The following CNTN5 variants were observed in gnomAD, a reference collection of about 807,000 sequenced individuals.
The protein encoded by CNTN5 is contactin-5.
In CNTN5, 77 loss-of-function variants were observed where a neutral mutation model predicts 129.1. The ratio of observed to expected loss-of-function variants is 0.60; its 90% confidence interval spans 0.50 to 0.72. CNTN5 has a LOEUF of 0.72. Among genes scored for constraint, CNTN5 ranks in the 30% least tolerant of loss-of-function variants. The probability of loss-of-function intolerance (pLI) is 0.00; values close to 1 mark genes in which losing one functional copy is unlikely to be tolerated. For missense variants in CNTN5, 1,478 were observed against 1,328.8 expected, an observed-to-expected ratio of 1.11 and a Z score of -1.75; for synonymous variants, 509 against 465.6, an observed-to-expected ratio of 1.09 and a Z score of -1.20.
chr11:99,481,322 C>A (rs990893399), intron 2 of CNTN5, among the ~76,000 whole-genome samples: 29 of 152,040 alleles, frequency 1.9e-4, no homozygotes, highest in Non-Finnish European at 3.5e-4. Flanking sequence ...AAATATTTGT[C>A]TTTTTAATAT....
chr11:99,382,156 T>C (rs1265047528), intron 2 of CNTN5, among the ~76,000 whole-genome samples: 1 of 152,148 alleles, frequency 6.6e-6, no homozygotes, highest in African/African-American at 2.4e-5. Context: ...ATGCTTGACC[T>C]AATGACCTTA....
intron 3 of CNTN5, among the ~76,000 whole-genome samples, chr11:99,768,578 C>G (rs1336258098): frequency 6.6e-6 from 1 of 152,116 alleles, no homozygotes; most frequent in Non-Finnish European, 1.5e-5. Context: ...TCCATTTTCA[C>G]AAAATCCAAG....
intron 1 of CNTN5, among the ~76,000 whole-genome samples, chr11:99,281,901 G>A (rs184116463): frequency 3.9e-5 from 6 of 151,962 alleles, no homozygotes; most frequent in Non-Finnish European, 5.9e-5. Flanking sequence ...AAAGTAGGAC[G>A]TTGGAGCCTC....
intron 16 of CNTN5, among the ~76,000 whole-genome samples, chr11:100,235,794 C>G (rs1186090887): frequency 6.6e-6 from 1 of 152,148 alleles, no homozygotes; most frequent in Non-Finnish European, 1.5e-5. Context: ...GATGAATGCC[C>G]TCGAACTTGG....
intron 3 of CNTN5, among the ~76,000 whole-genome samples, chr11:99,804,279 C>T (rs1946201612): frequency 6.6e-6 from 1 of 151,598 alleles, no homozygotes; most frequent in South Asian, 2.1e-4. Flanking sequence ...AAATGTGTAC[C>T]CTAGCTTGCA....
chr11:99,075,548 G>T (rs1361641792), intron 1 of CNTN5, among the ~76,000 whole-genome samples: 2 of 152,270 alleles, frequency 1.3e-5, no homozygotes, highest in East Asian at 1.9e-4. Context: ...CTAGCTCAAA[G>T]CTATGAAAAT....
intron 7 of CNTN5, among the ~76,000 whole-genome samples, chr11:99,949,222 T>C (rs527938182): frequency 1.3e-5 from 2 of 152,328 alleles, no homozygotes; most frequent in African/African-American, 4.8e-5. Context: ...AGACAATAAG[T>C]ATCTACTCTT....
chr11:99,444,206 AAGAG>A (rs555728380), intron 2 of CNTN5, among the ~76,000 whole-genome samples: 11 of 151,572 alleles, frequency 7.3e-5, no homozygotes, highest in East Asian at 3.9e-4. Context: ...CTCAAAAAGA[AAGAG>A]AGAGAGAGAG....
At chr11:99,297,374 T>TCC (rs1282250785) in intron 1 of CNTN5, among the ~76,000 whole-genome samples, 1 of 152,036 alleles carries the variant, frequency 6.6e-6, no homozygotes, top group Non-Finnish European at 1.5e-5. Context: ...AGGAAAAGGC[T>TCC]CCCCATGGTC....
At chr11:99,439,623 G>T (rs7122498) in intron 2 of CNTN5, among the ~76,000 whole-genome samples, 2 of 144,032 alleles carry the variant, frequency 1.4e-5, no homozygotes, top group Middle Eastern at 3.9e-3. Flanking sequence ...CAGGAGAATC[G>T]CTTGAACCCG....
At chr11:99,980,841 G>T (rs539295925) in intron 8 of CNTN5, among the ~76,000 whole-genome samples, 1 of 151,848 alleles carries the variant, frequency 6.6e-6, no homozygotes, top group African/African-American at 2.4e-5. Flanking sequence ...CAAGTACTTT[G>T]TGATTTCTTC....
chr11:100,342,315 C>T (rs757147945), intron 23 of CNTN5, among the ~76,000 whole-genome samples: 2 of 152,018 alleles, frequency 1.3e-5, no homozygotes, highest in Non-Finnish European at 2.9e-5. Context: ...ACAACTTCTC[C>T]TCTTAGGGAA....
Position 99,238,936 on chromosome 11 carries a change from G to GT in CNTN5, c.-209-86408dup, listed in dbSNP as rs1861410493. The stretch of plus-strand genomic sequence containing the variant: ...AAGAAAATTTGGCAAATGTAGAAAA[G>GT]TTATAAGAAATAAATAAAAACTACC... On this transcript the variant is annotated intron_variant, in intron 1 of 24. Transcript: ENST00000524871. 2.0e-5 allele frequency among the ~76,000 whole-genome samples: 3 copies of GT among 152,160 alleles called. No individual in the cohort carries two copies. In the South Asian group the frequency reaches 6.2e-4, roughly 32 times the overall value.
At chr11:99,429,708 A>C (rs1264210759) in intron 2 of CNTN5, among the ~76,000 whole-genome samples, 1 of 152,124 alleles carries the variant, frequency 6.6e-6, no homozygotes, top group African/African-American at 2.4e-5. Flanking sequence ...GTCTACACTT[A>C]ATCCTGGTTC....
chr11:99,668,907 C>T (rs572542793), intron 3 of CNTN5, among the ~76,000 whole-genome samples: 1 of 152,226 alleles, frequency 6.6e-6, no homozygotes, highest in South Asian at 2.1e-4. Context: ...TAAGTTTTCT[C>T]ACCTCATTTT....
intron 2 of CNTN5, among the ~76,000 whole-genome samples, chr11:99,485,263 T>A (rs1309995618): frequency 6.6e-6 from 1 of 151,820 alleles, no homozygotes; most frequent in Non-Finnish European, 1.5e-5. Context: ...AGGGAAGTGA[T>A]TTCCATGGAT....
At chr11:99,807,044 T>C (rs1591221677) in intron 3 of CNTN5, among the ~76,000 whole-genome samples, 1 of 151,812 alleles carries the variant, frequency 6.6e-6, no homozygotes, top group Admixed American at 6.6e-5. Flanking sequence ...TAAAAGAAAA[T>C]ATTTGATATA....
chr11:99,474,323 C>T (rs547489103), intron 2 of CNTN5, among the ~76,000 whole-genome samples: 7 of 152,078 alleles, frequency 4.6e-5, no homozygotes, highest in African/African-American at 1.7e-4. Flanking sequence ...AATACCCATC[C>T]TCTGCGTCTT....
At chr11:99,110,959 C>T (rs1276897354) in intron 1 of CNTN5, among the ~76,000 whole-genome samples, 2 of 152,112 alleles carry the variant, frequency 1.3e-5, no homozygotes, top group South Asian at 4.1e-4. Context: ...GTCATTGCAA[C>T]ATAATTTAGC....
Sources: gnomAD v4.1 joint callset for allele counts (sites outside exome capture counted in the v4.1 genomes callset) on GRCh38, gnomAD v4.1.1 for gene constraint, MANE v1.5 for transcripts, NCBI Gene and HGNC (gene_info 2026-07-23, HGNC 2026-07-21) for gene names.